The following AGBL1 variants were observed in gnomAD, a reference collection of about 807,000 sequenced individuals.
AGBL1 encodes the protein AGBL carboxypeptidase 1.
In AGBL1, 130 loss-of-function variants were observed where a neutral mutation model predicts 118.9. That is an observed-to-expected ratio of 1.09 (90% CI 0.95 to 1.26). The LOEUF is 1.26. Among genes scored for constraint, AGBL1 ranks in the 50% most tolerant of loss-of-function variants. The pLI is 0.00. For missense variants in AGBL1, 1,584 were observed against 1,298.1 expected, an observed-to-expected ratio of 1.22 and a Z score of -3.38; for synonymous variants, 555 against 478.9, an observed-to-expected ratio of 1.16 and a Z score of -2.08.
chr15:86,974,069 T>G (rs1461435551), intron 23 of AGBL1, among the ~76,000 whole-genome samples: 31 of 92,506 alleles, frequency 3.4e-4, no homozygotes, highest in African/African-American at 1.2e-3. Context: ...TTTTAATATA[T>G]TAAATATAAA....
At chr15:86,572,301 G>A (rs1176056727) in intron 21 of AGBL1, among the ~76,000 whole-genome samples, 1 of 152,184 alleles carries the variant, frequency 6.6e-6, no homozygotes, top group African/African-American at 2.4e-5. Flanking sequence ...CAGAAGGGGC[G>A]AGGCTCTCAC....
At chr15:86,995,258 G>A (rs930546755) in intron 24 of AGBL1, among the ~76,000 whole-genome samples, 20 of 152,008 alleles carry the variant, frequency 1.3e-4, no homozygotes, top group African/African-American at 2.4e-4. Flanking sequence ...TTGATGGTGC[G>A]TGCTTGTAAT....
chr15:86,277,979 G>A (rs1341341401), intron 15 of AGBL1, among the ~76,000 whole-genome samples: 1 of 152,204 alleles, frequency 6.6e-6, no homozygotes, highest in African/African-American at 2.4e-5. Context: ...TGTTCAGCAA[G>A]GTGTAAACTG....
chr15:86,159,959 C>T (rs1290694974), intron 5 of AGBL1, among the ~76,000 whole-genome samples: 1 of 152,060 alleles, frequency 6.6e-6, no homozygotes, highest in East Asian at 1.9e-4. Context: ...AATTCTCATC[C>T]AGTAAGTTGA....
At chr15:86,808,404 C>G (rs893579050) in intron 22 of AGBL1, among the ~76,000 whole-genome samples, 2 of 152,266 alleles carry the variant, frequency 1.3e-5, no homozygotes, top group African/African-American at 4.8e-5. Flanking sequence ...CAAATAAGTT[C>G]TTGTATCCAC....
At chr15:86,132,385 T>C (rs1417583263) in intron 1 of AGBL1, among the ~76,000 whole-genome samples, 1 of 152,142 alleles carries the variant, frequency 6.6e-6, no homozygotes, top group Non-Finnish European at 1.5e-5. Context: ...CAGCTGCTGG[T>C]TGAAGGAAGA....
intron 22 of AGBL1, among the ~76,000 whole-genome samples, chr15:86,839,373 C>G (rs764023603): frequency 5.9e-5 from 9 of 152,194 alleles, no homozygotes; most frequent in African/African-American, 1.9e-4. Context: ...TCTTACTGCT[C>G]TCTGCCATAG....
intron 17 of AGBL1, among the ~76,000 whole-genome samples, chr15:86,313,887 C>T (rs1597719935): frequency 6.6e-6 from 1 of 152,114 alleles, no homozygotes; most frequent in Non-Finnish European, 1.5e-5. Context: ...CTGTATTGTT[C>T]ATTAAGTGGG....
At chr15:86,717,818 G>A (rs184273879) in intron 22 of AGBL1, among the ~76,000 whole-genome samples, 4 of 152,268 alleles carry the variant, frequency 2.6e-5, no homozygotes, top group Admixed American at 6.5e-5. Flanking sequence ...GGTGGCTCAC[G>A]CCTGTAATCT....
At chr15:86,103,596 A>G (rs1896861053) in intron 1 of AGBL1, among the ~76,000 whole-genome samples, 1 of 152,118 alleles carries the variant, frequency 6.6e-6, no homozygotes, top group Non-Finnish European at 1.5e-5. Context: ...TATAGTCTCC[A>G]TGTAATTTCT....
intron 22 of AGBL1, among the ~76,000 whole-genome samples, chr15:86,892,649 C>T (rs1008949491): frequency 6.6e-6 from 1 of 152,136 alleles, no homozygotes; most frequent in African/African-American, 2.4e-5. Context: ...GGCCAAGCAC[C>T]TGGCACACAG....
intron 23 of AGBL1, among the ~76,000 whole-genome samples, chr15:86,987,123 T>C (rs2081292646): frequency 1.3e-5 from 2 of 152,134 alleles, no homozygotes; most frequent in South Asian, 4.1e-4. Context: ...TGTGGTGGAA[T>C]GTCATCAGTG....
intron 21 of AGBL1, among the ~76,000 whole-genome samples, chr15:86,569,340 G>A (rs565204851): frequency 4.6e-5 from 7 of 151,678 alleles, no homozygotes; most frequent in South Asian, 2.1e-4. Context: ...CTGAGGTTAC[G>A]GTGAACTGAG....
chr15:87,001,572 T>C (rs902495731), intron 24 of AGBL1, among the ~76,000 whole-genome samples: 9 of 152,074 alleles, frequency 5.9e-5, no homozygotes, highest in African/African-American at 2.2e-4. Flanking sequence ...TCCACAATGG[T>C]TGAACTAGTT....
intron 17 of AGBL1, among the ~76,000 whole-genome samples, chr15:86,353,504 G>C (rs548580185): frequency 2.4e-4 from 37 of 152,308 alleles, no homozygotes; most frequent in African/African-American, 8.4e-4. Context: ...TTCCAAAGTG[G>C]AAGGTCCTGC....
chr15:86,530,192 G>C (rs1309557481), intron 19 of AGBL1, among the ~76,000 whole-genome samples: 1 of 141,638 alleles, frequency 7.1e-6, no homozygotes, highest in Non-Finnish European at 1.5e-5. Flanking sequence ...AGACCCATCA[G>C]TGTGGTGTAT....
At chr15:86,492,562 C>G (rs2082796353) in intron 18 of AGBL1, among the ~76,000 whole-genome samples, 1 of 148,218 alleles carries the variant, frequency 6.7e-6, no homozygotes, top group South Asian at 2.1e-4. Flanking sequence ...TGGACTCCAG[C>G]CTGGGTGAAA....
intron 17 of AGBL1, among the ~76,000 whole-genome samples, chr15:86,345,355 C>A (rs1785909276): frequency 6.6e-6 from 1 of 152,192 alleles, no homozygotes; most frequent in Non-Finnish European, 1.5e-5. Flanking sequence ...ACCAATAGTG[C>A]ATCAGCGAGC....
rs905340873 is a variant in AGBL1, at chr15:86,473,830, A to G, written c.2556-48980A>G. Among the ~76,000 whole-genome samples, 7 of 152,234 alleles carry G rather than the reference A, an allele frequency of 4.6e-5. No individual in the cohort carries two copies. The South Asian group carries it at 1.5e-3, about 32-fold the overall frequency. ...GATTATTAACTCGGTATTAATTCCC[A>G]TAATGGAGTGGCTGGATTGAGCCTC... is the stretch of plus-strand genomic sequence containing the variant. On this transcript the variant is annotated intron_variant, in intron 18 of 22. Transcript: ENST00000614907.
Sources: allele counts gnomAD v4.1 joint callset (sites outside exome capture counted in the v4.1 genomes callset), GRCh38; gene constraint gnomAD v4.1.1; transcripts MANE v1.5; gene names NCBI Gene and HGNC (gene_info 2026-07-23, HGNC 2026-07-21).